GDA: variants seen among roughly 807,000 people sequenced by gnomAD.
GDA encodes the protein cytoplasmic PSD-95 interactor.
GDA carries 18 observed loss-of-function variants against 59.6 expected under a neutral mutation model. That is an observed-to-expected ratio of 0.30 (90% confidence interval 0.21 to 0.45). The LOEUF (loss-of-function observed/expected upper bound fraction) is 0.45, where lower values mean the gene tolerates loss of function less well. GDA is among the 20% of genes least tolerant of loss of function. The probability of loss-of-function intolerance (pLI) is 1.00; values close to 1 mark genes in which losing one functional copy is unlikely to be tolerated. For missense variants in GDA, 427 were observed against 552.3 expected, an observed-to-expected ratio of 0.77 and a Z score of 2.27; for synonymous variants, 201 against 201.1, an observed-to-expected ratio of 1.00 and a Z score of 0.00.
chr9:72,156,507 T>A (rs1827905287), intron 1 of GDA, among the ~76,000 whole-genome samples: 1 of 152,202 alleles, frequency 6.6e-6, no homozygotes, highest in African/African-American at 2.4e-5. Flanking sequence ...GAATAGGAGC[T>A]TGGCTTTCAT....
At chr9:72,142,390 C>T (rs148687758) in intron 1 of GDA, among the ~76,000 whole-genome samples, 4,385 of 151,844 alleles carry the variant, frequency 0.029, 82 homozygotes, top group Non-Finnish European at 0.043. Flanking sequence ...CTGAGGTGGG[C>T]GGATCATGAG....
At chr9:72,226,605 A>C (rs1837622801) in intron 8 of GDA, among the ~76,000 whole-genome samples, 1 of 152,248 alleles carries the variant, frequency 6.6e-6, no homozygotes, top group African/African-American at 2.4e-5. Flanking sequence ...TACAAACCGC[A>C]TGGAGAGTTT....
At chr9:72,209,609 C>A (rs1835122027) in intron 3 of GDA, among the ~76,000 whole-genome samples, 2 of 152,046 alleles carry the variant, frequency 1.3e-5, no homozygotes, top group East Asian at 1.9e-4. Flanking sequence ...CTTTCTCCCC[C>A]TCCTTATCTT....
At chr9:72,122,455 G>A (rs1260446172) in intron 1 of GDA, among the ~76,000 whole-genome samples, 4 of 151,952 alleles carry the variant, frequency 2.6e-5, no homozygotes, top group Non-Finnish European at 5.9e-5. Context: ...AGAATGTCTT[G>A]CACATAGAAA....
chr9:72,162,050 G>T (rs985732214), intron 1 of GDA, among the ~76,000 whole-genome samples: 7 of 152,078 alleles, frequency 4.6e-5, no homozygotes, highest in Non-Finnish European at 8.8e-5. Context: ...GTGTAGAGTG[G>T]TCTCAGGTAC....
intron 8 of GDA, 23 bp from the exon 9 acceptor site, chr9:72,227,920 A>C (rs745761286): frequency 6.9e-6 from 9 of 1,307,282 alleles, no homozygotes; most frequent in Non-Finnish European, 1.0e-5. Context: ...GGTAAACTCC[A>C]CGTAGGGCAC....
At chr9:72,238,152 C>T (rs973572741) in intron 10 of GDA, among the ~76,000 whole-genome samples, 1 of 152,180 alleles carries the variant, frequency 6.6e-6, no homozygotes, top group African/African-American at 2.4e-5. Flanking sequence ...CTCCTCCTCA[C>T]CCTGGCTATC....
At chr9:72,202,884 TC>T in intron 3 of GDA, 142 bp downstream of exon 3, 1 of 608,794 alleles carries the variant, frequency 1.6e-6, no homozygotes, top group South Asian at 2.3e-5. Context: ...TTTTTCACAG[TC>T]CAGTGAGTTT....
chr9:72,229,171 TAAAAAAA>T (rs34554102), intron 9 of GDA: 6 of 42,284 alleles, frequency 1.4e-4, no homozygotes, highest in Non-Finnish European at 2.0e-4. Flanking sequence ...CAGTCTCTAC[TAAAAAAA>T]AAAAAAAAAA....
intron 1 of GDA, among the ~76,000 whole-genome samples, chr9:72,123,187 T>C (rs1284005916): frequency 6.3e-5 from 3 of 47,494 alleles, no homozygotes; most frequent in Non-Finnish European, 2.6e-4. Flanking sequence ...TTTCTTCCCT[T>C]TTTTTTTTTT....
chr9:72,208,473 C>T (rs1004975605), intron 3 of GDA, among the ~76,000 whole-genome samples: 6 of 152,148 alleles, frequency 3.9e-5, no homozygotes, highest in Non-Finnish European at 7.4e-5. Context: ...GTTCCATTTT[C>T]TTTCTTGAAG....
At chr9:72,227,741 C>T (rs965873605) in intron 8 of GDA, among the ~76,000 whole-genome samples, 5 of 152,198 alleles carry the variant, frequency 3.3e-5, no homozygotes, top group African/African-American at 4.8e-5. Context: ...CTGAGACTTT[C>T]GTAAGACAAT....
At chr9:72,168,661 G>A (rs1829612009) in intron 1 of GDA, among the ~76,000 whole-genome samples, 2 of 152,202 alleles carry the variant, frequency 1.3e-5, no homozygotes, top group East Asian at 3.9e-4. Flanking sequence ...CCAAAGTGCT[G>A]ATACCCTGTC....
chr9:72,207,343 T>G (rs1280338955), intron 3 of GDA, among the ~76,000 whole-genome samples: 1 of 152,236 alleles, frequency 6.6e-6, no homozygotes, highest in Non-Finnish European at 1.5e-5. Flanking sequence ...TCTCTAAACT[T>G]TTCTTTCACA....
intron 8 of GDA, among the ~76,000 whole-genome samples, chr9:72,227,075 G>A (rs377084727): frequency 1.6e-4 from 24 of 152,064 alleles, no homozygotes; most frequent in Admixed American, 1.4e-3. Flanking sequence ...TCGAGATTGC[G>A]CCACTGCACT....
intron 1 of GDA, among the ~76,000 whole-genome samples, chr9:72,184,565 G>A (rs139486540): frequency 1.3e-4 from 20 of 152,112 alleles, no homozygotes; most frequent in East Asian, 5.8e-4. Context: ...ATAATATTCC[G>A]TTTTCTGGAT....
intron 1 of GDA, among the ~76,000 whole-genome samples, chr9:72,119,078 A>G (rs1311016840): frequency 6.6e-6 from 1 of 152,268 alleles, no homozygotes; most frequent in Non-Finnish European, 1.5e-5. Flanking sequence ...AGGAATATAA[A>G]TAAAAAATAT....
Position 72,250,965 on chromosome 9 carries a change from T to A in GDA, c.*2623T>A, listed in dbSNP as rs1460145484. 2.7e-6 allele frequency: 2 copies of A among 737,098 alleles called. No homozygotes were observed. Among genetic ancestry groups the A allele is most frequent in the East Asian group, 2.7e-5 (1 of 37,410 alleles). 45.7% of individuals were successfully genotyped at this position (737,098 alleles called of 1,614,324 possible). A position where few individuals can be genotyped will look rare whatever the true frequency, so the allele number is the denominator to read the frequency against. On this transcript the variant is annotated 3_prime_UTR_variant, in exon 14 of 14. Coordinates refer to ENST00000358399, the MANE Select transcript of GDA (RefSeq NM_004293.5). ...TCAAACGAGAGGGAAACATGGGAAG[T>A]AAAAGATTAGGATGTGAAAGGTTGT...
Position 72,249,715 on chromosome 9 carries a change from G to C in GDA, c.*1373G>C, listed in dbSNP as rs1840499964. On this transcript the variant is annotated 3_prime_UTR_variant, in exon 14 of 14. Coordinates refer to ENST00000358399, the MANE Select transcript of GDA (RefSeq NM_004293.5). ...AATTACAAATACTATAAATGAGCAA[G>C]GAAAAGGAATAGACTTTCTTAATAT... 1 of 776,876 alleles carries C rather than the reference G, an allele frequency of 1.3e-6. No individual in the cohort carries two copies. The highest frequency in any genetic ancestry group is 1.9e-5 in the African/African-American group (1 of 53,114). The allele number at this position is 776,876 out of a possible 1,614,324, so 48.1% of individuals were successfully genotyped here.
Sources: gnomAD v4.1 joint callset for allele counts (sites outside exome capture counted in the v4.1 genomes callset) on GRCh38, gnomAD v4.1.1 for gene constraint, MANE v1.5 for transcripts, NCBI Gene and HGNC (gene_info 2026-07-23, HGNC 2026-07-21) for gene names.